The following KCNH8 variants were observed in gnomAD, a reference collection of about 807,000 sequenced individuals.
KCNH8 encodes potassium voltage-gated channel subfamily H member 8.
KCNH8 carries 70 observed loss-of-function variants against 103.6 expected under a neutral mutation model. The ratio of observed to expected loss-of-function variants is 0.68; its 90% CI spans 0.56 to 0.82. KCNH8 has a LOEUF of 0.82. Among genes scored for constraint, KCNH8 ranks in the 40% least tolerant of loss-of-function variants. The pLI is 0.00. For synonymous variants in KCNH8, 498 were observed against 489.4 expected (o/e 1.02, Z -0.23); for missense variants, 1,217 against 1,329.9 (o/e 0.92, Z 1.32).
At chr3:19,283,486 A>G (rs1480106121) in intron 3 of KCNH8, among the ~76,000 whole-genome samples, 1 of 152,178 alleles carries the variant, frequency 6.6e-6, no homozygotes. Context: ...GTCCCTAGAT[A>G]TATTTATCTC....
At chr3:19,527,028 C>G (rs2069077101) in intron 15 of KCNH8, among the ~76,000 whole-genome samples, 2 of 151,924 alleles carry the variant, frequency 1.3e-5, no homozygotes, top group African/African-American at 4.8e-5. Context: ...CTGATCAAAA[C>G]CAGGCTGCAC....
At chr3:19,205,032 A>G (rs561283214) in intron 1 of KCNH8, among the ~76,000 whole-genome samples, 4 of 152,004 alleles carry the variant, frequency 2.6e-5, no homozygotes, top group African/African-American at 9.7e-5. Flanking sequence ...AGAGATCAAA[A>G]GAATACAGTG....
intron 2 of KCNH8, among the ~76,000 whole-genome samples, chr3:19,258,699 C>G (rs1207260688): frequency 6.6e-6 from 1 of 151,612 alleles, no homozygotes; most frequent in Non-Finnish European, 1.5e-5. Context: ...GTAAGAAAAT[C>G]TTATTAGTGG....
chr3:19,205,436 C>CTACTTAAA (rs1174801183), intron 1 of KCNH8, among the ~76,000 whole-genome samples: 2 of 152,006 alleles, frequency 1.3e-5, no homozygotes, highest in African/African-American at 4.8e-5. Flanking sequence ...CAGTCAAACT[C>CTACTTAAA]TACTTAACTA....
intron 11 of KCNH8, among the ~76,000 whole-genome samples, chr3:19,498,396 C>T (rs1252935505): frequency 6.6e-6 from 1 of 151,966 alleles, no homozygotes; most frequent in Non-Finnish European, 1.5e-5. Context: ...TTTTTCTTTC[C>T]ATGTTTAGTG....
At chr3:19,245,069 T>C (rs565548735) in intron 1 of KCNH8, among the ~76,000 whole-genome samples, 2 of 152,312 alleles carry the variant, frequency 1.3e-5, no homozygotes, top group African/African-American at 4.8e-5. Flanking sequence ...TAAGTTTTCT[T>C]CAGGATTTTT....
intron 1 of KCNH8, among the ~76,000 whole-genome samples, chr3:19,234,758 C>T (rs1434743056): frequency 2.6e-5 from 4 of 152,260 alleles, no homozygotes; most frequent in Non-Finnish European, 4.4e-5. Context: ...AGAGGAGGCG[C>T]GGAGAGCGAG....
chr3:19,316,186 G>T (rs2065271607), intron 3 of KCNH8, among the ~76,000 whole-genome samples: 1 of 151,876 alleles, frequency 6.6e-6, no homozygotes, highest in South Asian at 2.1e-4. Flanking sequence ...TCTTAACATT[G>T]GCACTATTGA....
intron 1 of KCNH8, among the ~76,000 whole-genome samples, chr3:19,154,025 A>C (rs2063156571): frequency 6.6e-6 from 1 of 152,194 alleles, no homozygotes; most frequent in Admixed American, 6.5e-5. Flanking sequence ...TCTTTTTCTC[A>C]AATGGGGCAA....
chr3:19,236,752 T>G (rs565867284), intron 1 of KCNH8, among the ~76,000 whole-genome samples: 1 of 152,108 alleles, frequency 6.6e-6, no homozygotes, highest in Non-Finnish European at 1.5e-5. Context: ...AATGAAGATA[T>G]CTAAGACAAG....
chr3:19,430,468 C>T (rs1289093419), intron 7 of KCNH8, among the ~76,000 whole-genome samples: 1 of 151,694 alleles, frequency 6.6e-6, no homozygotes, highest in African/African-American at 2.4e-5. Flanking sequence ...CTATTCAGGC[C>T]CTTTTTTGGT....
chr3:19,532,820 G>A (rs1334866044), intron 15 of KCNH8, among the ~76,000 whole-genome samples: 1 of 152,298 alleles, frequency 6.6e-6, no homozygotes, highest in South Asian at 2.1e-4. Context: ...GAATGAGGAT[G>A]TCTTTAGATC....
chr3:19,237,055 T>G (rs915541877), intron 1 of KCNH8, among the ~76,000 whole-genome samples: 1 of 152,242 alleles, frequency 6.6e-6, no homozygotes, highest in African/African-American at 2.4e-5. Flanking sequence ...CCAAATTAAA[T>G]GGCAATACAT....
At chr3:19,235,532 T>A (rs2064053744) in intron 1 of KCNH8, among the ~76,000 whole-genome samples, 1 of 152,226 alleles carries the variant, frequency 6.6e-6, no homozygotes, top group Middle Eastern at 3.4e-3. Flanking sequence ...AATACGGAAA[T>A]ATGGTTAATA....
At chr3:19,171,003 G>A (rs1258423732) in intron 1 of KCNH8, among the ~76,000 whole-genome samples, 1 of 151,424 alleles carries the variant, frequency 6.6e-6, no homozygotes, top group African/African-American at 2.4e-5. Context: ...AGTAGAGACG[G>A]GGTTTCACCG....
At chr3:19,431,271 C>T (rs930443529) in intron 7 of KCNH8, among the ~76,000 whole-genome samples, 21 of 152,146 alleles carry the variant, frequency 1.4e-4, no homozygotes, top group Non-Finnish European at 2.8e-4. Context: ...GTTCTGTTTA[C>T]GTGATGCATC....
At chr3:19,433,422 T>TA (rs1224329086) in intron 7 of KCNH8, among the ~76,000 whole-genome samples, 1 of 152,182 alleles carries the variant, frequency 6.6e-6, no homozygotes, top group Non-Finnish European at 1.5e-5. Flanking sequence ...GTTTTGCTTT[T>TA]AAAAAATGTC....
At chr3:19,331,057 T>G (rs1189690745) in intron 3 of KCNH8, among the ~76,000 whole-genome samples, 1 of 152,082 alleles carries the variant, frequency 6.6e-6, no homozygotes, top group Non-Finnish European at 1.5e-5. Flanking sequence ...GACTATTTCT[T>G]ACAAGGTAGT....
intron 3 of KCNH8, among the ~76,000 whole-genome samples, chr3:19,293,546 A>G: frequency 6.6e-6 from 1 of 152,040 alleles, no homozygotes; most frequent in Non-Finnish European, 1.5e-5. Flanking sequence ...AGCTCAGGTG[A>G]CTCACATGCA....
Sources: gnomAD v4.1 joint callset for allele counts (sites outside exome capture counted in the v4.1 genomes callset) on GRCh38, gnomAD v4.1.1 for gene constraint, MANE v1.5 for transcripts, NCBI Gene and HGNC (gene_info 2026-07-23, HGNC 2026-07-21) for gene names.